Variants in PMM2 observed in about 807,000 individuals in gnomAD.
PMM2 encodes the protein mannose-6-phosphate isomerase.
A neutral mutation model predicts 33.2 loss-of-function variants in PMM2; 35 were observed. The ratio of observed to expected loss-of-function variants is 1.06; its 90% confidence interval spans 0.81 to 1.40. The LOEUF (loss-of-function observed/expected upper bound fraction) is 1.40. Ranked by LOEUF, PMM2 falls within the 40% of genes most tolerant of loss-of-function variation. The pLI is 0.00. For missense variants in PMM2, 386 were observed against 306.0 expected, an observed-to-expected ratio of 1.26 and a Z score of -1.95; for synonymous variants, 153 against 114.7, an observed-to-expected ratio of 1.33 and a Z score of -2.13.
At position 8,848,687 on chromosome 16, in the gene PMM2, C is replaced by A. The variant is rs1324157654; in HGVS notation, c.*862C>A. On this transcript the variant is annotated 3_prime_UTR_variant, in exon 8 of 8. Transcript: ENST00000268261. ...TGTCAGACTTCACCAAAAGGACTTTCTGGTTGCCCCTGGCTGGCTTCCTGG... is the reference window on the plus strand; with the variant it reads ...TGTCAGACTTCACCAAAAGGACTTTATGGTTGCCCCTGGCTGGCTTCCTGG... The A allele has an allele frequency of 6.6e-6, 1 of 152,206 alleles. No homozygotes were observed. Among genetic ancestry groups the A allele is most frequent in the Non-Finnish European group, 1.5e-5 (1 of 68,070 alleles). The allele number at this position is 152,206 out of a possible 1,614,324, so 9.4% of individuals were successfully genotyped here.
At chr16:8,833,845 C>A (rs1284216285) in intron 7 of PMM2, among the ~76,000 whole-genome samples, 1 of 152,072 alleles carries the variant, frequency 6.6e-6, no homozygotes, top group East Asian at 1.9e-4. Flanking sequence ...CAGCATAGTC[C>A]TGCCAGCAAA....
chr16:8,817,356 G>A (rs539160318), intron 7 of PMM2, among the ~76,000 whole-genome samples: 2 of 152,308 alleles, frequency 1.3e-5, no homozygotes, highest in African/African-American at 4.8e-5. Flanking sequence ...TGACACCTAG[G>A]ATCTAAGGGA....
chr16:8,811,544 C>T (rs758184986), intron 5 of PMM2, 94 bp from the exon 6 acceptor site: 15 of 835,502 alleles, frequency 1.8e-5, no homozygotes, highest in Non-Finnish European at 2.9e-5. Context: ...ATAAATAAAT[C>T]AATAAGATAA....
Position 8,811,200 on chromosome 16 carries a change from T to G in PMM2, c.447+22T>G, listed in dbSNP as rs137862339. On this transcript the variant is annotated intron_variant, in intron 5 of 7. Transcript: ENST00000268261. ...TAAAGTACGTCTTTCTGAAATATCTTTGGTGAATGGCTGGGTTTATGGAAA... is the reference window on the plus strand; with the variant it reads ...TAAAGTACGTCTTTCTGAAATATCTGTGGTGAATGGCTGGGTTTATGGAAA... 9.4e-6 allele frequency: 13 copies of G among 1,388,718 alleles called. No individual in the cohort carries two copies. The East Asian group carries it at 2.7e-4, about 29-fold the overall frequency. The allele number at this position is 1,388,718 out of a possible 1,614,324, so 86.0% of individuals were successfully genotyped here.
intron 1 of PMM2, among the ~76,000 whole-genome samples, chr16:8,798,674 C>T (rs2060593582): frequency 6.6e-6 from 1 of 152,162 alleles, no homozygotes; most frequent in Non-Finnish European, 1.5e-5. Context: ...TTGCTTTCCA[C>T]TTTCAGATTT....
intron 7 of PMM2, among the ~76,000 whole-genome samples, chr16:8,823,262 A>G (rs2060748274): frequency 6.6e-6 from 1 of 152,142 alleles, no homozygotes; most frequent in Non-Finnish European, 1.5e-5. Context: ...GGGCCTCAGG[A>G]AAAAGGTAGT....
At chr16:8,798,067 C>T (rs141231167) in intron 1 of PMM2, 119 bp downstream of exon 1, 21,025 of 927,856 alleles carry the variant, frequency 0.023, 351 homozygotes, top group Admixed American at 0.062. Context: ...TACGTCCTCA[C>T]GGCGCTGAAC....
At chr16:8,810,086 A>G (rs1471520685) in intron 4 of PMM2, 1 of 152,250 alleles carries the variant, frequency 6.6e-6, no homozygotes, top group Non-Finnish European at 1.5e-5. Context: ...GCTGGGGTTA[A>G]TAGGTGTGAG....
rs758340382 is a variant in PMM2, at chr16:8,797,943, C to A, written c.61C>A (p.Arg21=). Residue 21 remains arginine (R), a synonymous_variant, in exon 1 of 8, where the codon CGG becomes AGG. Coordinates refer to ENST00000268261, the MANE Select transcript of PMM2 (RefSeq NM_000303.3). ...CGTGGATGGGACCCTCACCGCCCCG[C>A]GGCAGGTAAGTGGCGGCCGGCGGGC... ...FDVDGTLTAP[R]QKITKEMDDF... 3 of 1,605,424 alleles carry A rather than the reference C, an allele frequency of 1.9e-6. No individual in the cohort carries two copies. The African/African-American group carries it at 4.0e-5, about 21-fold the overall frequency.
intron 7 of PMM2, among the ~76,000 whole-genome samples, chr16:8,839,805 C>G (rs1192757068): frequency 1.3e-5 from 2 of 151,456 alleles, no homozygotes; most frequent in East Asian, 1.9e-4. Context: ...GGGTCTTTGC[C>G]GAGAGATACA....
At chr16:8,831,446 A>G (rs1324329197) in intron 7 of PMM2, among the ~76,000 whole-genome samples, 1 of 152,194 alleles carries the variant, frequency 6.6e-6, no homozygotes, top group East Asian at 1.9e-4. Context: ...CTGAGGTGGG[A>G]GGATCGCTTG....
intron 1 of PMM2, among the ~76,000 whole-genome samples, chr16:8,799,409 C>T (rs988692979): frequency 1.3e-5 from 2 of 152,202 alleles, no homozygotes; most frequent in Admixed American, 1.3e-4. Flanking sequence ...ACACAGCCAA[C>T]CTGGTACAAG....
rs986575038 is a variant in PMM2, at chr16:8,803,911, C to T, written c.179-856C>T. The stretch of plus-strand genomic sequence containing the variant: ...GTTGGCCAGGCTGGTCTTGAACTTG[C>T]GACCTCAGGTGATCTGGCCACCTTG... On this transcript the variant is annotated intron_variant, in intron 2 of 7. Coordinates refer to ENST00000268261, the MANE Select transcript of PMM2 (RefSeq NM_000303.3). Among the ~76,000 whole-genome samples, 82 of 150,382 alleles carry T rather than the reference C, an allele frequency of 5.5e-4. 1 individual carries two copies. Among genetic ancestry groups the T allele is most frequent in the Non-Finnish European group, 5.2e-4 (35 of 67,684 alleles).
intron 1 of PMM2, among the ~76,000 whole-genome samples, chr16:8,799,518 G>A (rs1004348600): frequency 4.0e-5 from 6 of 151,720 alleles, no homozygotes; most frequent in African/African-American, 1.2e-4. Flanking sequence ...ATTCAGGAAA[G>A]TGCTTCTGAT....
At chr16:8,840,782 A>G (rs373043089) in intron 7 of PMM2, among the ~76,000 whole-genome samples, 1 of 151,956 alleles carries the variant, frequency 6.6e-6, no homozygotes, top group Non-Finnish European at 1.5e-5. Flanking sequence ...ATGACTAAGT[A>G]GGGTCCGGTC....
chr16:8,835,838 A>T (rs866551702), intron 7 of PMM2, among the ~76,000 whole-genome samples: 3 of 151,982 alleles, frequency 2.0e-5, no homozygotes, highest in East Asian at 3.9e-4. Context: ...GTTGCCAAGG[A>T]GGGAGTAGAG....
intron 5 of PMM2, 100 bp downstream of exon 5, chr16:8,811,278 G>A (rs993722584): frequency 1.7e-5 from 14 of 824,836 alleles, no homozygotes; most frequent in Admixed American, 4.0e-5. Context: ...CACTTTGGGA[G>A]GCCAAGGCAG....
chr16:8,802,592 G>T (rs569383764), intron 2 of PMM2, among the ~76,000 whole-genome samples: 2 of 152,294 alleles, frequency 1.3e-5, no homozygotes, highest in South Asian at 4.1e-4. Context: ...ACTTGGGGAG[G>T]CCGAGGCGGA....
rs1012797087 is a variant in PMM2, at chr16:8,811,034, G to T, written c.348-45G>T. 7 of 1,185,712 alleles carry T rather than the reference G, an allele frequency of 5.9e-6. No homozygotes were observed. In the African/African-American group the frequency reaches 6.1e-5, roughly 10 times the overall value. The allele number at this position is 1,185,712 out of a possible 1,614,324, so 73.4% of individuals were successfully genotyped here. ...GGCTGTTTATCTATGTTGCCCAAAT[G>T]AATAACGTGTTTTTGGAGAAACTCT... On this transcript the variant is annotated intron_variant, in intron 4 of 7. Coordinates refer to ENST00000268261, the MANE Select transcript of PMM2 (RefSeq NM_000303.3).
Sources: gnomAD v4.1 joint callset for allele counts (sites outside exome capture counted in the v4.1 genomes callset) on GRCh38, gnomAD v4.1.1 for gene constraint, MANE v1.5 for transcripts, NCBI Gene and HGNC (gene_info 2026-07-23, HGNC 2026-07-21) for gene names.